Variants in ACOT7 observed in about 807,000 individuals in gnomAD.
ACOT7 encodes the protein cytosolic acyl coenzyme A thioester hydrolase.
Under a neutral mutation model 40.2 loss-of-function variants are expected in ACOT7, and 12 were observed. The observed-to-expected ratio is 0.30, with a 90% CI of 0.19 to 0.48. ACOT7 has a LOEUF of 0.48. Among genes scored for constraint, ACOT7 ranks in the 20% least tolerant of loss-of-function variants. The probability of loss-of-function intolerance (pLI) is 0.99; values close to 1 mark genes in which losing one functional copy is unlikely to be tolerated. For synonymous variants in ACOT7, 228 were observed against 219.5 expected (o/e 1.04, Z -0.34); for missense variants, 395 against 530.8 (o/e 0.74, Z 2.51).
intron 5 of ACOT7, among the ~76,000 whole-genome samples, chr1:6,323,367 C>T (rs1474997550): frequency 6.6e-6 from 1 of 152,096 alleles, no homozygotes; most frequent in Non-Finnish European, 1.5e-5. Context: ...AATGAGCTAC[C>T]CTTTCTGAGT....
intron 8 of ACOT7, among the ~76,000 whole-genome samples, chr1:6,273,094 CCCGCAG>C (rs1248856453): frequency 6.6e-6 from 1 of 152,236 alleles, no homozygotes; most frequent in Non-Finnish European, 1.5e-5. Flanking sequence ...TTTTTAACCC[CCCGCAG>C]CCGGTTAGGC....
In ACOT7 at chr1:6,339,428, A is replaced by G; in HGVS notation, c.418+5T>C. ...TCCAGTCAACACTGTCGCTCCCAGA[A>G]GTACCTGTGAGGATGTTTTCGGACA... On this transcript the variant is annotated splice_donor_5th_base_variant and intron_variant, in intron 3 of 8. Coordinates refer to ENST00000361521, the MANE Select transcript of ACOT7 (RefSeq NM_007274.4). 1 of 1,612,788 alleles carries G rather than the reference A, an allele frequency of 6.2e-7. No individual in the cohort carries two copies. Among genetic ancestry groups the G allele is most frequent in the East Asian group, 2.2e-5 (1 of 44,886 alleles).
At chr1:6,268,531 C>T (rs1378603759) in intron 8 of ACOT7, among the ~76,000 whole-genome samples, 1 of 152,220 alleles carries the variant, frequency 6.6e-6, no homozygotes. Context: ...CGGTGGGCTG[C>T]GGGCAGAGCT....
intron 1 of ACOT7, among the ~76,000 whole-genome samples, chr1:6,366,973 C>A (rs559165051): frequency 6.6e-6 from 1 of 151,894 alleles, no homozygotes; most frequent in Non-Finnish European, 1.5e-5. Context: ...CCGAGGCAGG[C>A]GGATCACGAG....
chr1:6,327,456 C>A (rs1201337738), intron 4 of ACOT7, 43 bp from the exon 5 acceptor site: 2 of 1,589,404 alleles, frequency 1.3e-6, no homozygotes, highest in Non-Finnish European at 8.6e-7. Context: ...CAGGACACGG[C>A]CTCCTCCCCT....
intron 7 of ACOT7, among the ~76,000 whole-genome samples, chr1:6,291,650 C>T (rs551329333): frequency 1.4e-4 from 22 of 152,328 alleles, no homozygotes; most frequent in African/African-American, 5.1e-4. Context: ...GGATAGTCCA[C>T]AATAATGTGT....
At chr1:6,276,353 G>A (rs967317536) in intron 8 of ACOT7, among the ~76,000 whole-genome samples, 3 of 152,060 alleles carry the variant, frequency 2.0e-5, no homozygotes, top group Non-Finnish European at 2.9e-5. Flanking sequence ...AGCCCCCTTC[G>A]GCCCAAGGTC....
At chr1:6,342,074 T>G (rs1244417431) in intron 2 of ACOT7, among the ~76,000 whole-genome samples, 1 of 152,208 alleles carries the variant, frequency 6.6e-6, no homozygotes, top group Non-Finnish European at 1.5e-5. Flanking sequence ...CTGGGCAGCT[T>G]AGACACAACA....
chr1:6,383,850 G>A (rs1042490559), intron 1 of ACOT7, among the ~76,000 whole-genome samples: 12 of 151,610 alleles, frequency 7.9e-5, no homozygotes, highest in South Asian at 2.1e-4. Flanking sequence ...GACTACAGGC[G>A]CCCGCCACCA....
In ACOT7 at chr1:6,299,678, G is replaced by T. The variant is rs1639913603; in HGVS notation, c.713-4698C>A. Among the ~76,000 whole-genome samples the T allele has an allele frequency of 6.6e-6, 1 of 152,256 alleles. No homozygotes were observed. Among genetic ancestry groups the T allele is most frequent in the East Asian group, 1.9e-4 (1 of 5,180 alleles). ...AGAGAGAGCGCAAGTGTGTGTGTGT[G>T]TGTGTGTGTGTGTAGGGCACGTGTG... On this transcript the variant is annotated intron_variant, in intron 6 of 8. Coordinates refer to ENST00000361521, the MANE Select transcript of ACOT7 (RefSeq NM_007274.4). This position sits in a 1 kb window ranked among gnomAD's most constrained non-coding sequence, Gnocchi z 4.1.
chr1:6,358,360 T>C lies in ACOT7; in HGVS notation c.144-8494A>G, dbSNP rs550695297. Among the ~76,000 whole-genome samples, 1 of 152,170 alleles carries C rather than the reference T, an allele frequency of 6.6e-6. No homozygotes were observed. The highest frequency in any genetic ancestry group is 2.1e-4 in the South Asian group (1 of 4,824). On this transcript the variant is annotated intron_variant, in intron 1 of 8. Coordinates refer to ENST00000361521, the MANE Select transcript of ACOT7 (RefSeq NM_007274.4). The surrounding 1 kb of genome is among the most constrained non-coding windows in gnomAD (Gnocchi z 4.1). ...CAACAATGGCCCTGAGCTCCCAGCC[T>C]CCATTTTGGCCAGGGGCAGGGGACT...
intron 7 of ACOT7, among the ~76,000 whole-genome samples, chr1:6,284,712 G>C (rs1026940102): frequency 6.6e-6 from 1 of 151,612 alleles, no homozygotes; most frequent in Non-Finnish European, 1.5e-5. Flanking sequence ...CTGCAGCATC[G>C]AGGCCTCCCT....
At chr1:6,304,761 C>G (rs1471930724) in intron 6 of ACOT7, among the ~76,000 whole-genome samples, 96 of 134,918 alleles carry the variant, frequency 7.1e-4, no homozygotes, top group Non-Finnish European at 4.7e-4. Flanking sequence ...TTTCTTAGTA[C>G]AGAACAAAAT....
intron 4 of ACOT7, among the ~76,000 whole-genome samples, chr1:6,327,887 C>G (rs1640849624): frequency 6.6e-6 from 1 of 152,112 alleles, no homozygotes; most frequent in African/African-American, 2.4e-5. Flanking sequence ...GATTCTCCTG[C>G]CTCAGCCTCC....
rs1042539106 is a variant in ACOT7, at chr1:6,301,910, C to T, written c.713-6930G>A. On this transcript the variant is annotated intron_variant, in intron 6 of 8. Coordinates refer to ENST00000361521, the MANE Select transcript of ACOT7 (RefSeq NM_007274.4). This position sits in a 1 kb window ranked among gnomAD's most constrained non-coding sequence, Gnocchi z 4.1. Reference sequence around the variant, plus strand: ...GCCCCAGCAGCCAGCACACACGCACCGGCCTGGGAAACCACGCAGAGTTTA... The same window carrying T: ...GCCCCAGCAGCCAGCACACACGCACTGGCCTGGGAAACCACGCAGAGTTTA... Among the ~76,000 whole-genome samples, 3 of 152,192 alleles carry T rather than the reference C, an allele frequency of 2.0e-5. No homozygotes were observed. The highest frequency in any genetic ancestry group is 4.4e-5 in the Non-Finnish European group (3 of 68,032).
chr1:6,374,845 G>C (rs536357672), intron 1 of ACOT7, among the ~76,000 whole-genome samples: 2 of 152,182 alleles, frequency 1.3e-5, no homozygotes, highest in African/African-American at 4.8e-5. Context: ...GAACAACCAC[G>C]TCAAGAGTCA....
At chr1:6,365,447 T>TA (rs1020584675) in intron 1 of ACOT7, among the ~76,000 whole-genome samples, 7 of 151,920 alleles carry the variant, frequency 4.6e-5, no homozygotes, top group African/African-American at 1.2e-4. Context: ...CATTATGCCT[T>TA]AAAAAAAAGT....
chr1:6,344,069 A>G (rs1410188981), intron 2 of ACOT7, among the ~76,000 whole-genome samples: 1 of 152,220 alleles, frequency 6.6e-6, no homozygotes, highest in Non-Finnish European at 1.5e-5. Context: ...GGTGTTAGGC[A>G]GGAGGAGGTA....
At chr1:6,264,736 C>T (rs1050175766) in intron 8 of ACOT7, 41 bp from the exon 9 acceptor site, 1 of 1,598,808 alleles carries the variant, frequency 6.3e-7, no homozygotes, top group African/African-American at 1.3e-5. Flanking sequence ...AGGGTCACTG[C>T]AGAACCAGTG....
Sources: allele counts gnomAD v4.1 joint callset (sites outside exome capture counted in the v4.1 genomes callset), GRCh38; gene constraint gnomAD v4.1.1; non-coding constraint Gnocchi (gnomAD v3.1); transcripts MANE v1.5; gene names NCBI Gene and HGNC (gene_info 2026-07-23, HGNC 2026-07-21).